Variants in PACSIN2 observed in about 807,000 individuals in gnomAD.
The protein encoded by PACSIN2 is protein kinase C and casein kinase substrate in neurons 2, also known as protein kinase C and casein kinase substrate in neurons protein 2.
A neutral mutation model predicts 63.8 loss-of-function variants in PACSIN2; 25 were observed. That is an observed-to-expected ratio of 0.39 (90% CI 0.29 to 0.55). The LOEUF (loss-of-function observed/expected upper bound fraction) is 0.55. PACSIN2 is among the 20% of genes least tolerant of loss of function. The pLI, the probability that PACSIN2 is intolerant of heterozygous loss-of-function variation, is 0.62. For missense variants in PACSIN2, 518 were observed against 646.9 expected (o/e 0.80, Z 2.16); for synonymous variants, 255 against 256.2 (o/e 1.00, Z 0.05).
chr22:42,961,351 C>T (rs1193692409), intron 1 of PACSIN2, among the ~76,000 whole-genome samples: 1 of 150,920 alleles, frequency 6.6e-6, no homozygotes, highest in African/African-American at 2.4e-5. Context: ...AAACCAGAGA[C>T]CTTTGTTCAC....
chr22:43,014,099 CA>C (rs534904883), intron 1 of PACSIN2, among the ~76,000 whole-genome samples: 88 of 152,152 alleles, frequency 5.8e-4, no homozygotes, highest in Non-Finnish European at 1.1e-3. Flanking sequence ...CCCAATGAAT[CA>C]ATGAAATTCA....
intron 2 of PACSIN2, among the ~76,000 whole-genome samples, chr22:42,898,123 G>A (rs1930414365): frequency 6.6e-6 from 1 of 152,042 alleles, no homozygotes; most frequent in African/African-American, 2.4e-5. Context: ...CCCAGGGCAT[G>A]CGAGCCAAAA....
At chr22:42,950,286 C>T (rs190343369) in intron 1 of PACSIN2, among the ~76,000 whole-genome samples, 75 of 151,750 alleles carry the variant, frequency 4.9e-4, no homozygotes, top group Admixed American at 1.3e-3. Context: ...ATATCAGAGA[C>T]GAGCATCCAT....
intron 1 of PACSIN2, among the ~76,000 whole-genome samples, chr22:42,962,779 G>GC (rs773138620): frequency 0.022 from 1,348 of 62,264 alleles, 109 homozygotes; most frequent in African/African-American, 0.042. Context: ...TGTGGGCGGG[G>GC]GGGGGGGGCG....
At chr22:42,923,435 T>C (rs1412650144) in intron 1 of PACSIN2, among the ~76,000 whole-genome samples, 1 of 152,152 alleles carries the variant, frequency 6.6e-6, no homozygotes, top group Admixed American at 6.5e-5. Flanking sequence ...TCTTCTTTTT[T>C]TTATTTTTTT....
At chr22:42,955,846 C>T (rs567419290) in intron 1 of PACSIN2, among the ~76,000 whole-genome samples, 11 of 152,262 alleles carry the variant, frequency 7.2e-5, no homozygotes, top group South Asian at 6.2e-4. Context: ...TCTACTACGC[C>T]CTGTGCTATT....
chr22:42,885,574 G>A (rs1929415752), intron 5 of PACSIN2, among the ~76,000 whole-genome samples: 2 of 151,820 alleles, frequency 1.3e-5, no homozygotes, highest in African/African-American at 4.8e-5. Context: ...CCCCCAGCTG[G>A]GACTGAGTCT....
At chr22:42,924,759 C>CTT (rs112807995) in intron 1 of PACSIN2, among the ~76,000 whole-genome samples, 1 of 142,484 alleles carries the variant, frequency 7.0e-6, no homozygotes. Flanking sequence ...GGTTTTTTTT[C>CTT]TTTTTTTTTT....
intron 2 of PACSIN2, among the ~76,000 whole-genome samples, chr22:42,910,131 C>T (rs985330664): frequency 1.2e-4 from 19 of 152,288 alleles, no homozygotes; most frequent in African/African-American, 4.3e-4. Flanking sequence ...CAAACCCAGA[C>T]CTCCTGGCTC....
At position 42,871,393 on chromosome 22, in the gene PACSIN2, GC is replaced by G; in HGVS notation, c.1424del (p.Gly475AlafsTer107). 6.2e-7 allele frequency: 1 copy of G among 1,614,034 alleles called. No individual in the cohort carries two copies. The highest frequency in any genetic ancestry group is 8.5e-7 in the Non-Finnish European group (1 of 1,179,888). On this transcript the variant is annotated frameshift_variant, in exon 11 of 11. Coordinates refer to ENST00000263246, the MANE Select transcript of PACSIN2 (RefSeq NM_001184970.3). LOFTEE classifies it high-confidence loss of function. This position sits in a 1 kb window ranked among gnomAD's most constrained non-coding sequence, Gnocchi z 5.4. ...CKGRLDNGQV[G>X]LYPANYVEAI... ...CCTCCACATAATTTGCCGGGTATAG[GC>G]CAACTTGCCCGTTGTCCAAGCGTCC...
At chr22:42,962,669 G>A (rs1027968006) in intron 1 of PACSIN2, among the ~76,000 whole-genome samples, 1 of 148,722 alleles carries the variant, frequency 6.7e-6, no homozygotes, top group African/African-American at 2.5e-5. Context: ...CAAGTCACAG[G>A]GCCACCCTCA....
intron 1 of PACSIN2, among the ~76,000 whole-genome samples, chr22:42,955,441 A>T: frequency 6.6e-6 from 1 of 152,062 alleles, no homozygotes; most frequent in East Asian, 1.9e-4. Context: ...ATGTCTACCA[A>T]TAAAAGCTGT....
chr22:42,987,411 G>C (rs989876532), intron 1 of PACSIN2, among the ~76,000 whole-genome samples: 1 of 144,294 alleles, frequency 6.9e-6, no homozygotes, highest in Non-Finnish European at 1.5e-5. Context: ...TGGCCACCCA[G>C]CATGTGGTTT....
At chr22:42,890,849 C>G (rs943170095) in intron 4 of PACSIN2, 98 bp downstream of exon 4, 3 of 913,016 alleles carry the variant, frequency 3.3e-6, no homozygotes, top group African/African-American at 1.6e-5. Flanking sequence ...CCTGTGCCTA[C>G]AGCCAGTGGC....
At chr22:42,899,214 A>G (rs866530596) in intron 2 of PACSIN2, among the ~76,000 whole-genome samples, 5 of 152,198 alleles carry the variant, frequency 3.3e-5, no homozygotes, top group African/African-American at 7.2e-5. Context: ...GTGAGGTAAA[A>G]CCATAACATG....
At chr22:42,918,942 G>A (rs757409350) in intron 1 of PACSIN2, among the ~76,000 whole-genome samples, 5 of 152,122 alleles carry the variant, frequency 3.3e-5, no homozygotes, top group Non-Finnish European at 7.3e-5. Context: ...TTCTGAGAGC[G>A]ATTGTTTCTT....
intron 1 of PACSIN2, among the ~76,000 whole-genome samples, chr22:42,958,573 A>G (rs1028885751): frequency 6.6e-6 from 1 of 152,240 alleles, no homozygotes; most frequent in African/African-American, 2.4e-5. Flanking sequence ...GAAGGAAGGG[A>G]TCTGAAGAAA....
chr22:43,002,174 T>C (rs528331818), intron 1 of PACSIN2: 1 of 152,204 alleles, frequency 6.6e-6, no homozygotes, highest in East Asian at 1.9e-4. Flanking sequence ...GAGAGCAGCA[T>C]CTAGAAGCTA....
intron 10 of PACSIN2, among the ~76,000 whole-genome samples, chr22:42,875,024 G>C (rs1467327166): frequency 6.6e-6 from 1 of 151,530 alleles, no homozygotes; most frequent in African/African-American, 2.4e-5. Context: ...CTAATTTTTT[G>C]TATTTTTAGT....
Sources: gnomAD v4.1 joint callset for allele counts (sites outside exome capture counted in the v4.1 genomes callset) on GRCh38, gnomAD v4.1.1 for gene constraint, Gnocchi (gnomAD v3.1) non-coding constraint, MANE v1.5 for transcripts, NCBI Gene and HGNC (gene_info 2026-07-23, HGNC 2026-07-21) for gene names.